Variants in NEGR1 observed in about 807,000 individuals in gnomAD.
NEGR1 encodes the protein IgLON family member 4.
A neutral mutation model predicts 40.9 loss-of-function variants in NEGR1; 10 were observed. The ratio of observed to expected loss-of-function variants is 0.24; its 90% CI spans 0.15 to 0.42. NEGR1 has a LOEUF of 0.42. Ranked by LOEUF, NEGR1 falls within the 10% of genes least tolerant of loss-of-function variation. The pLI, the probability that NEGR1 is intolerant of heterozygous loss-of-function variation, is 1.00. For synonymous variants in NEGR1, 185 were observed against 166.8 expected (o/e 1.11, Z -0.84); for missense variants, 352 against 438.9 (o/e 0.80, Z 1.77).
At chr1:71,945,392 A>G (rs1026278657) in intron 1 of NEGR1, among the ~76,000 whole-genome samples, 1 of 152,160 alleles carries the variant, frequency 6.6e-6, no homozygotes, top group African/African-American at 2.4e-5. Context: ...TACTACTGCC[A>G]GTAATAACAA....
intron 1 of NEGR1, among the ~76,000 whole-genome samples, chr1:72,245,677 TAAGAG>T (rs1403648869): frequency 6.6e-6 from 1 of 152,160 alleles, no homozygotes; most frequent in Non-Finnish European, 1.5e-5. Flanking sequence ...ATTTTAAACA[TAAGAG>T]AAATGTATTT....
chr1:72,103,498 C>A (rs1451866311), intron 1 of NEGR1, among the ~76,000 whole-genome samples: 1 of 152,080 alleles, frequency 6.6e-6, no homozygotes, highest in African/African-American at 2.4e-5. Context: ...ATGCAGTATG[C>A]TTCTTGACTT....
At chr1:71,597,430 A>C (rs1351688596) in intron 5 of NEGR1, among the ~76,000 whole-genome samples, 1,388 of 58,332 alleles carry the variant, frequency 0.024, 28 homozygotes, top group African/African-American at 0.077. Flanking sequence ...ATATATATAT[A>C]TGTCTCTCTC....
intron 2 of NEGR1, among the ~76,000 whole-genome samples, chr1:71,934,208 G>T (rs538342528): frequency 6.6e-6 from 1 of 151,996 alleles, no homozygotes; most frequent in Non-Finnish European, 1.5e-5. Flanking sequence ...AAAGCAGAAA[G>T]AAATAATGTA....
At chr1:71,624,150 G>T (rs1570118911) in intron 4 of NEGR1, among the ~76,000 whole-genome samples, 1 of 151,842 alleles carries the variant, frequency 6.6e-6, no homozygotes, top group African/African-American at 2.4e-5. Flanking sequence ...TGAATTTGAT[G>T]AACAGTTACT....
At chr1:71,969,453 A>C (rs1039571690) in intron 1 of NEGR1, among the ~76,000 whole-genome samples, 9 of 152,216 alleles carry the variant, frequency 5.9e-5, no homozygotes, top group Admixed American at 5.9e-4. Context: ...TAGAAAAAGC[A>C]TATGGGTAAA....
chr1:72,149,898 AAAAG>A (rs1458212821), intron 1 of NEGR1, among the ~76,000 whole-genome samples: 23 of 148,994 alleles, frequency 1.5e-4, no homozygotes, highest in East Asian at 5.9e-4. Flanking sequence ...AAAAAAAAAA[AAAAG>A]AAAGAAAGAA....
At chr1:72,196,313 A>G (rs767748521) in intron 1 of NEGR1, among the ~76,000 whole-genome samples, 27 of 152,052 alleles carry the variant, frequency 1.8e-4, no homozygotes, top group Non-Finnish European at 3.7e-4. Context: ...TAAATAAAAA[A>G]CATTTCTGTG....
chr1:71,755,137 A>C (rs1435703746), intron 3 of NEGR1, among the ~76,000 whole-genome samples: 1 of 152,070 alleles, frequency 6.6e-6, no homozygotes, highest in African/African-American at 2.4e-5. Context: ...CCTCTCCTCT[A>C]TTCTACCCCA....
chr1:71,488,265 G>C (rs1162025077), intron 6 of NEGR1: 2 of 151,674 alleles, frequency 1.3e-5, no homozygotes, highest in African/African-American at 4.8e-5. Context: ...AAATTATCCA[G>C]CTTCTTTATA....
intron 1 of NEGR1, among the ~76,000 whole-genome samples, chr1:72,129,733 G>A (rs1260284358): frequency 6.6e-6 from 1 of 152,204 alleles, no homozygotes; most frequent in East Asian, 1.9e-4. Context: ...GAAATAGGTA[G>A]TTAATGACAT....
At chr1:72,101,293 A>G (rs1047156340) in intron 1 of NEGR1, among the ~76,000 whole-genome samples, 1 of 152,164 alleles carries the variant, frequency 6.6e-6, no homozygotes, top group African/African-American at 2.4e-5. Context: ...TAAGTAATAA[A>G]CAAATATACT....
At chr1:71,598,120 T>G (rs886643677) in intron 5 of NEGR1, among the ~76,000 whole-genome samples, 6 of 152,156 alleles carry the variant, frequency 3.9e-5, no homozygotes, top group Admixed American at 1.3e-4. Flanking sequence ...TTGCACCATC[T>G]GACAAGTGGC....
chr1:72,117,554 C>A (rs1024502924), intron 1 of NEGR1, among the ~76,000 whole-genome samples: 7 of 151,706 alleles, frequency 4.6e-5, no homozygotes, highest in Non-Finnish European at 1.0e-4. Flanking sequence ...GGGAATAAAT[C>A]CAGTGGTGCC....
chr1:71,412,472 T>C (rs1646329675), intron 6 of NEGR1, among the ~76,000 whole-genome samples: 1 of 152,214 alleles, frequency 6.6e-6, no homozygotes, highest in Non-Finnish European at 1.5e-5. Flanking sequence ...TATATAACTA[T>C]AAACATCTTG....
rs116611878 is a variant in NEGR1 at position 71,647,121 on chromosome 1, C to G, written c.668-35975G>C. ...AACCGAGAGAATTCTTTATATTGGCCCTAAAGTGTTCAGGGCTCTTTGGAC... is the reference window on the plus strand; with the variant it reads ...AACCGAGAGAATTCTTTATATTGGCGCTAAAGTGTTCAGGGCTCTTTGGAC... On this transcript the variant is annotated intron_variant, in intron 4 of 6. Transcript: ENST00000357731. Among the ~76,000 whole-genome samples the G allele has an allele frequency of 4.9e-4, 74 of 151,458 alleles. 1 individual carries two copies. The highest frequency in any genetic ancestry group is 7.9e-4 in the Admixed American group (12 of 15,194).
chr1:72,255,738 A>C lies in NEGR1; in HGVS notation c.176+26581T>G, dbSNP rs145392971. Among the ~76,000 whole-genome samples, 708 of 151,952 alleles carry C rather than the reference A, an allele frequency of 4.7e-3. 10 individuals carry two copies. Among genetic ancestry groups the C allele is most frequent in the Middle Eastern group, 6.8e-3 (2 of 294 alleles). On this transcript the variant is annotated intron_variant, in intron 1 of 6. Transcript: ENST00000357731. ...GCAATTCTTTTGTATTTTAGTAGAG[A>C]CGGGGTTTCACCATGTTGGCCAGGA... is the stretch of plus-strand genomic sequence containing the variant.
intron 1 of NEGR1, among the ~76,000 whole-genome samples, chr1:72,192,098 A>G (rs907055325): frequency 1.3e-5 from 2 of 151,908 alleles, no homozygotes; most frequent in Non-Finnish European, 2.9e-5. Context: ...GGGTGACTCA[A>G]GCATGTTGGT....
At chr1:71,584,442 T>C (rs1298946031) in intron 6 of NEGR1, among the ~76,000 whole-genome samples, 1 of 152,192 alleles carries the variant, frequency 6.6e-6, no homozygotes, top group Non-Finnish European at 1.5e-5. Flanking sequence ...TCACTCTGAC[T>C]AAAGAGAAAT....
Sources: allele counts gnomAD v4.1 joint callset (sites outside exome capture counted in the v4.1 genomes callset), GRCh38; gene constraint gnomAD v4.1.1; transcripts MANE v1.5; gene names NCBI Gene and HGNC (gene_info 2026-07-23, HGNC 2026-07-21).